Variants in KCNT1 observed in about 807,000 individuals in gnomAD.
KCNT1 encodes the protein potassium channel subfamily T member 1.
A neutral mutation model predicts 147.8 loss-of-function variants in KCNT1; 78 were observed. The ratio of observed to expected loss-of-function variants is 0.53; its 90% CI spans 0.44 to 0.64. KCNT1 has a LOEUF of 0.64. KCNT1 is among the 30% of genes least tolerant of loss of function. The pLI is 0.00. For synonymous variants in KCNT1, 867 were observed against 748.8 expected, an observed-to-expected ratio of 1.16 and a Z score of -2.58; for missense variants, 1,419 against 1,750.3, an observed-to-expected ratio of 0.81 and a Z score of 3.38.
Position 135,750,230 on chromosome 9 carries a change from C to T in KCNT1, c.334+53C>T, listed in dbSNP as rs541651287. Reference sequence around the variant, plus strand: ...CCAGGCAGGGAGGTGTTGAGGGCGCCGGGAGCAAGCCTGGCGATGGCGAAG... The same window carrying T: ...CCAGGCAGGGAGGTGTTGAGGGCGCTGGGAGCAAGCCTGGCGATGGCGAAG... On this transcript the variant is annotated intron_variant, in intron 3 of 30. Coordinates refer to ENST00000371757, the MANE Select transcript of KCNT1 (RefSeq NM_020822.3). 113 of 1,411,802 alleles carry T rather than the reference C, an allele frequency of 8.0e-5. No individual in the cohort carries two copies. In the East Asian group the frequency reaches 2.3e-3, roughly 29 times the overall value. The allele number at this position is 1,411,802 out of a possible 1,614,324, so 87.5% of individuals were successfully genotyped here. A position where few individuals can be genotyped will look rare whatever the true frequency, so the allele number is the denominator to read the frequency against.
intron 27 of KCNT1, among the ~76,000 whole-genome samples, chr9:135,785,096 G>A (rs1027859021): frequency 2.0e-5 from 3 of 152,336 alleles, no homozygotes; most frequent in African/African-American, 7.2e-5. Flanking sequence ...CACGTGTAGC[G>A]CTTCCAGCTG....
intron 2 of KCNT1, among the ~76,000 whole-genome samples, chr9:135,720,823 G>T (rs1354875976): frequency 1.3e-5 from 2 of 152,214 alleles, no homozygotes; most frequent in East Asian, 3.9e-4. Flanking sequence ...CTCCTTCGGG[G>T]GTGCTCTGGG....
At chr9:135,740,258 A>G (rs916072935) in intron 2 of KCNT1, among the ~76,000 whole-genome samples, 2 of 152,164 alleles carry the variant, frequency 1.3e-5, no homozygotes, top group Admixed American at 1.3e-4. Context: ...GCCCGAGATA[A>G]GGGGGTGCCT....
chr9:135,755,919 C>A (rs555699300), intron 6 of KCNT1, among the ~76,000 whole-genome samples: 6 of 144,406 alleles, frequency 4.2e-5, no homozygotes, highest in Non-Finnish European at 4.6e-5. Flanking sequence ...CAGTGAATGC[C>A]AAGGACAAAG....
intron 2 of KCNT1, among the ~76,000 whole-genome samples, chr9:135,721,908 C>T (rs1835938886): frequency 6.6e-6 from 1 of 152,210 alleles, no homozygotes; most frequent in South Asian, 2.1e-4. Flanking sequence ...GGTGACGCCT[C>T]TGCTGTGGAG....
intron 21 of KCNT1, among the ~76,000 whole-genome samples, chr9:135,777,940 A>C (rs1444858989): frequency 1.0e-4 from 12 of 116,600 alleles, no homozygotes; most frequent in African/African-American, 1.4e-4. Context: ...TCCTCTGGCC[A>C]CCAGCTCCTC....
chr9:135,716,124 G>C (rs1588257278), intron 2 of KCNT1, among the ~76,000 whole-genome samples: 2 of 152,164 alleles, frequency 1.3e-5, no homozygotes, highest in African/African-American at 4.8e-5. Flanking sequence ...GGCCGAATCC[G>C]TGGACTCAAC....
chr9:135,724,244 G>GGA (rs1228733342), intron 2 of KCNT1, among the ~76,000 whole-genome samples: 2 of 152,244 alleles, frequency 1.3e-5, no homozygotes, highest in African/African-American at 4.8e-5. Flanking sequence ...TTTCATCCCC[G>GGA]GAGGCCAGGC....
In KCNT1 at chr9:135,702,207, T is replaced by C. The variant is rs1464866248; in HGVS notation, c.-52T>C. 7.6e-6 allele frequency: 10 copies of C among 1,322,376 alleles called. No homozygotes were observed. The highest frequency in any genetic ancestry group is 9.7e-6 in the Non-Finnish European group (9 of 932,204). 81.9% of individuals were successfully genotyped at this position (1,322,376 alleles called of 1,614,324 possible). On this transcript the variant is annotated 5_prime_UTR_variant, in exon 1 of 31. Transcript: ENST00000371757. ...TTCAGGGCAACGCGAGGGAAGAAGGTGGCGGCTCCCACTCGCTTCTCCCTC... is the reference window on the plus strand; with the variant it reads ...TTCAGGGCAACGCGAGGGAAGAAGGCGGCGGCTCCCACTCGCTTCTCCCTC...
chr9:135,786,405 C>T lies in KCNT1; in HGVS notation c.3386C>T (p.Ala1129Val), dbSNP rs766394913. Residue 1129 changes from alanine (A) to valine (V), a missense_variant, in exon 29 of 31, where the codon GCC becomes GTC. Around this residue, in one of 5 missense-constraint regions of KCNT1, gnomAD observed 306 missense variants for 294.2 expected, o/e 1.04. Transcript: ENST00000371757. ...KAPKQAGRAAAAEWISQQRLS... is the reference protein window; with the variant it reads ...KAPKQAGRAAVAEWISQQRLS... ...CCCAAGCAGGCAGGCCGGGCGGCGG[C>T]CGCGGAGTGGATCAGCCAGCAGCGC... 1 of 1,575,644 alleles carries T rather than the reference C, an allele frequency of 6.3e-7. No individual in the cohort carries two copies. The highest frequency in any genetic ancestry group is 1.1e-5 in the South Asian group (1 of 87,228).
At chr9:135,724,994 T>G (rs529125777) in intron 2 of KCNT1, among the ~76,000 whole-genome samples, 6 of 152,262 alleles carry the variant, frequency 3.9e-5, no homozygotes, top group African/African-American at 1.4e-4. Flanking sequence ...ATCCTGAGGG[T>G]AATCTTGGTG....
At position 135,792,661 on chromosome 9, in the gene KCNT1, CTG is replaced by C. The variant is rs1298682254; in HGVS notation, c.*501_*502del. ...GGGGCCAGGGCTGCTGTTCTGCACTCTGGGGTGGGTGAGGGGGACCCTGGGCT... is the reference window on the plus strand; with the variant it reads ...GGGGCCAGGGCTGCTGTTCTGCACTCGGGTGGGTGAGGGGGACCCTGGGCT... On this transcript the variant is annotated 3_prime_UTR_variant, in exon 31 of 31. Coordinates refer to ENST00000371757, the MANE Select transcript of KCNT1 (RefSeq NM_020822.3). 6.5e-6 allele frequency: 1 copy of C among 153,786 alleles called. No homozygotes were observed. Among genetic ancestry groups the C allele is most frequent in the African/African-American group, 2.4e-5 (1 of 41,488 alleles). 9.5% of individuals were successfully genotyped at this position (153,786 alleles called of 1,614,324 possible).
chr9:135,770,283 C>T lies in KCNT1; in HGVS notation c.1620-15C>T, dbSNP rs766797836. 29 of 1,577,844 alleles carry T rather than the reference C, an allele frequency of 1.8e-5. 1 individual carries two copies. The South Asian group carries it at 2.7e-4, about 14-fold the overall frequency. The stretch of plus-strand genomic sequence containing the variant: ...GCCGAGGGTGACGCTCCCCTGGCCC[C>T]GCCCTGGCCCACAGGGAGGGACAGG... On this transcript the variant is annotated splice_polypyrimidine_tract_variant and intron_variant, in intron 16 of 30. Transcript: ENST00000371757.
chr9:135,745,410 C>G (rs529914799), intron 2 of KCNT1, among the ~76,000 whole-genome samples: 2 of 152,298 alleles, frequency 1.3e-5, no homozygotes, highest in African/African-American at 4.8e-5. Flanking sequence ...GAGAGTGTGG[C>G]CCCACCCGGG....
At chr9:135,781,916 A>G (rs1034576963) in intron 24 of KCNT1, among the ~76,000 whole-genome samples, 2 of 152,082 alleles carry the variant, frequency 1.3e-5, no homozygotes, top group Non-Finnish European at 2.9e-5. Context: ...GTCCCCATCT[A>G]TACAAAAAAT....
intron 3 of KCNT1, chr9:135,750,688 T>G (rs1034394841): frequency 1.2e-5 from 7 of 563,864 alleles, no homozygotes; most frequent in Non-Finnish European, 1.9e-5. Flanking sequence ...AGAAGTGGAG[T>G]GGCCTCTAGA....
intron 28 of KCNT1, 127 bp from the exon 29 acceptor site, chr9:135,786,070 C>T (rs978780558): frequency 1.3e-6 from 1 of 783,602 alleles, no homozygotes; most frequent in Non-Finnish European, 2.0e-6. Flanking sequence ...TCCCTAACAC[C>T]CCCAGCTGCT....
At chr9:135,726,573 C>T (rs1374185307) in intron 2 of KCNT1, among the ~76,000 whole-genome samples, 1 of 152,010 alleles carries the variant, frequency 6.6e-6, no homozygotes, top group African/African-American at 2.4e-5. Flanking sequence ...ACGGACGGGG[C>T]CCCTTGGAGA....
At chr9:135,747,874 A>C (rs1489137454) in intron 2 of KCNT1, among the ~76,000 whole-genome samples, 1 of 152,174 alleles carries the variant, frequency 6.6e-6, no homozygotes, top group African/African-American at 2.4e-5. Flanking sequence ...CCTCTTCAGC[A>C]TGGGGCAAGG....
Sources: allele counts gnomAD v4.1 joint callset (sites outside exome capture counted in the v4.1 genomes callset), GRCh38; gene constraint gnomAD v4.1.1; regional missense constraint gnomAD v4.1.1; transcripts MANE v1.5; gene names NCBI Gene and HGNC (gene_info 2026-07-23, HGNC 2026-07-21).